THADA: variants seen among roughly 807,000 people sequenced by gnomAD.
The protein encoded by THADA is tRNA (32-2'-O)-methyltransferase regulator THADA.
Under a neutral mutation model 219.8 loss-of-function variants are expected in THADA, and 213 were observed. The ratio of observed to expected loss-of-function variants is 0.97; its 90% CI spans 0.87 to 1.09. THADA has a LOEUF of 1.09. THADA is among the 50% of genes least tolerant of loss of function. THADA has a pLI of 0.00. For synonymous variants in THADA, 1,018 were observed against 828.9 expected (o/e 1.23, Z -3.92); for missense variants, 2,956 against 2,311.3 (o/e 1.28, Z -5.72).
intron 36 of THADA, among the ~76,000 whole-genome samples, chr2:43,276,930 C>G (rs1672787854): frequency 6.6e-6 from 1 of 152,166 alleles, no homozygotes; most frequent in South Asian, 2.1e-4. Context: ...TTTCCCTTCT[C>G]TCCCACCTCC....
chr2:43,358,768 G>A (rs1669153954), intron 29 of THADA, among the ~76,000 whole-genome samples: 1 of 152,166 alleles, frequency 6.6e-6, no homozygotes. Context: ...AGCCTCAGGA[G>A]TTTGCTGGCT....
rs201735523 is a variant in THADA, at chr2:43,489,874, C to CAA, written c.3745-4551_3745-4550dup. 7.2e-3 allele frequency among the ~76,000 whole-genome samples: 402 copies of CAA among 55,924 alleles called. 19 individuals are homozygous for CAA. Among genetic ancestry groups the CAA allele is most frequent in the African/African-American group, 0.024 (353 of 14,992 alleles). The allele number at this position is 55,924 out of a possible 152,430, so 36.7% of individuals were successfully genotyped here. ...ATTTCCATATGTATTTTAAGATCTG[C>CAA]AAAAAAAAAAAAAAAAAAAAGCTAG... On this transcript the variant is annotated intron_variant, in intron 25 of 37. Coordinates refer to ENST00000405975, the MANE Select transcript of THADA (RefSeq NM_022065.5).
chr2:43,264,932 C>T (rs563216670), intron 36 of THADA, among the ~76,000 whole-genome samples: 2 of 152,294 alleles, frequency 1.3e-5, no homozygotes, highest in South Asian at 2.1e-4. Context: ...CCCTAAGTAC[C>T]GTGCTGCACA....
chr2:43,447,551 T>C (rs1352703686), intron 26 of THADA, among the ~76,000 whole-genome samples: 5 of 152,188 alleles, frequency 3.3e-5, no homozygotes, highest in Admixed American at 6.5e-5. Context: ...TTAATCTGCC[T>C]GTCACAAATG....
intron 22 of THADA, among the ~76,000 whole-genome samples, chr2:43,515,586 T>C (rs1241719635): frequency 6.7e-6 from 1 of 149,490 alleles, no homozygotes; most frequent in East Asian, 2.0e-4. Context: ...AAAATTGTGA[T>C]TAATAAAAAA....
At chr2:43,292,709 G>A in intron 32 of THADA, 125 bp downstream of exon 32, 3 of 1,230,016 alleles carry the variant, frequency 2.4e-6, no homozygotes, top group East Asian at 2.4e-5. Flanking sequence ...ACTGGCTGCC[G>A]AATCTACTTC....
At chr2:43,385,192 T>C (rs1449431406) in intron 29 of THADA, among the ~76,000 whole-genome samples, 2 of 151,496 alleles carry the variant, frequency 1.3e-5, no homozygotes, top group Admixed American at 1.3e-4. Context: ...CAAAAAACAA[T>C]TTGGTAATTG....
intron 24 of THADA, among the ~76,000 whole-genome samples, chr2:43,502,584 C>CAAAAAAAAAAAAAAAAAAAAAA (rs1172070049): frequency 1.3e-5 from 1 of 74,196 alleles, no homozygotes; most frequent in African/African-American, 4.2e-5. Flanking sequence ...GACCTCGTCT[C>CAAAAAAAAAAAAAAAAAAAAAA]AAAAAAAAAA....
At chr2:43,567,734 G>A (rs1698849599) in intron 14 of THADA, among the ~76,000 whole-genome samples, 2 of 152,206 alleles carry the variant, frequency 1.3e-5, no homozygotes, top group South Asian at 4.1e-4. Context: ...CACAATATAT[G>A]CAGGGACCAC....
intron 28 of THADA, among the ~76,000 whole-genome samples, chr2:43,403,606 T>C (rs564629102): frequency 2.0e-5 from 3 of 152,084 alleles, no homozygotes; most frequent in Admixed American, 6.6e-5. Context: ...TTAACATAAT[T>C]AACATTCCCC....
intron 31 of THADA, among the ~76,000 whole-genome samples, chr2:43,316,768 G>T (rs1372535594): frequency 6.6e-6 from 1 of 152,074 alleles, no homozygotes; most frequent in African/African-American, 2.4e-5. Context: ...TCTCCACTAA[G>T]AATACAAAAT....
chr2:43,589,008 G>GA (rs1701281861), intron 4 of THADA, among the ~76,000 whole-genome samples: 1 of 152,036 alleles, frequency 6.6e-6, no homozygotes, highest in Non-Finnish European at 1.5e-5. Flanking sequence ...ATTTATAGCT[G>GA]AAAAAGTAAG....
At chr2:43,412,225 C>T (rs1330130453) in intron 28 of THADA, among the ~76,000 whole-genome samples, 4 of 152,162 alleles carry the variant, frequency 2.6e-5, no homozygotes, top group Non-Finnish European at 5.9e-5. Flanking sequence ...TCAGTATCAT[C>T]TTACTCCCCG....
At chr2:43,394,030 C>T (rs1673723329) in intron 29 of THADA, among the ~76,000 whole-genome samples, 1 of 152,160 alleles carries the variant, frequency 6.6e-6, no homozygotes. Context: ...GTTCTGGCAA[C>T]AAAAACAGAA....
chr2:43,304,454 G>A (rs888915328), intron 31 of THADA, among the ~76,000 whole-genome samples: 4 of 152,104 alleles, frequency 2.6e-5, no homozygotes, highest in Non-Finnish European at 4.4e-5. Context: ...GATACTGGTC[G>A]TGCCACCGTG....
chr2:43,542,580 G>C (rs1695466947), intron 20 of THADA, among the ~76,000 whole-genome samples: 2 of 152,194 alleles, frequency 1.3e-5, no homozygotes, highest in South Asian at 4.1e-4. Context: ...CAAGATGTAA[G>C]AACTCGAATT....
At chr2:43,289,840 C>A (rs1179338505) in intron 34 of THADA, among the ~76,000 whole-genome samples, 1 of 151,506 alleles carries the variant, frequency 6.6e-6, no homozygotes, top group African/African-American at 2.4e-5. Flanking sequence ...TTTAGTAGAG[C>A]TGGGGTTTTG....
chr2:43,429,605 G>A (rs548688471), intron 27 of THADA, among the ~76,000 whole-genome samples: 6 of 151,876 alleles, frequency 4.0e-5, no homozygotes, highest in East Asian at 1.9e-4. Flanking sequence ...AAAAATGACA[G>A]GTATGCATAA....
At chr2:43,395,907 C>T (rs1673983224) in intron 29 of THADA, among the ~76,000 whole-genome samples, 1 of 152,064 alleles carries the variant, frequency 6.6e-6, no homozygotes. Flanking sequence ...CAGGCGTGCA[C>T]CACCACACAC....
Sources: gnomAD v4.1 joint callset for allele counts (sites outside exome capture counted in the v4.1 genomes callset) on GRCh38, gnomAD v4.1.1 for gene constraint, MANE v1.5 for transcripts, NCBI Gene and HGNC (gene_info 2026-07-23, HGNC 2026-07-21) for gene names.